The following PACRG variants were observed in gnomAD, a reference collection of about 807,000 sequenced individuals.
The protein encoded by PACRG is parkin coregulated.
PACRG carries 29 observed loss-of-function variants against 29.7 expected under a neutral mutation model. The observed-to-expected ratio is 0.98, with a 90% confidence interval of 0.73 to 1.33. The LOEUF (loss-of-function observed/expected upper bound fraction) is 1.33. Among genes scored for constraint, PACRG ranks in the 40% most tolerant of loss-of-function variants. The pLI, the probability that PACRG is intolerant of heterozygous loss-of-function variation, is 0.00. For synonymous variants in PACRG, 116 were observed against 118.7 expected (o/e 0.98, Z 0.15); for missense variants, 279 against 316.2 (o/e 0.88, Z 0.89).
At chr6:163,115,419 T>C (rs939448140) in intron 4 of PACRG, among the ~76,000 whole-genome samples, 1 of 152,114 alleles carries the variant, frequency 6.6e-6, no homozygotes, top group Non-Finnish European at 1.5e-5. Context: ...GGATGGTAAA[T>C]GTTTCTTACT....
intron 2 of PACRG, among the ~76,000 whole-genome samples, chr6:162,930,128 G>A (rs900955176): frequency 7.2e-5 from 11 of 151,840 alleles, no homozygotes; most frequent in Admixed American, 5.3e-4. Context: ...ATATATTTCT[G>A]TTAAGAATGT....
chr6:163,263,891 G>A (rs1435934082), intron 4 of PACRG, among the ~76,000 whole-genome samples: 1 of 152,158 alleles, frequency 6.6e-6, no homozygotes, highest in African/African-American at 2.4e-5. Flanking sequence ...AGAAAGCCAG[G>A]TTGTGACTTC....
chr6:163,105,093 A>G (rs891974133), intron 4 of PACRG, among the ~76,000 whole-genome samples: 3 of 152,142 alleles, frequency 2.0e-5, no homozygotes, highest in Admixed American at 6.5e-5. Context: ...CTAGAAATTT[A>G]TTGCACTAGT....
At chr6:163,086,019 C>T (rs573070) in intron 3 of PACRG, among the ~76,000 whole-genome samples, 37,676 of 152,116 alleles carry the variant, frequency 0.25, 5,065 homozygotes, top group East Asian at 0.51. Flanking sequence ...TGGCACATGG[C>T]GGTGCTCACT....
At chr6:163,181,357 C>T (rs1239204610) in intron 4 of PACRG, among the ~76,000 whole-genome samples, 1 of 152,150 alleles carries the variant, frequency 6.6e-6, no homozygotes, top group Non-Finnish European at 1.5e-5. Context: ...ATACAGACGG[C>T]CGCTTGGGGA....
intron 4 of PACRG, among the ~76,000 whole-genome samples, chr6:163,100,346 C>A (rs139996335): frequency 6.6e-6 from 1 of 152,316 alleles, no homozygotes; most frequent in Non-Finnish European, 1.5e-5. Context: ...GCCCGGCGTG[C>A]TGCCCGGACT....
chr6:163,268,746 A>G (rs577773609), intron 4 of PACRG, among the ~76,000 whole-genome samples: 1 of 152,162 alleles, frequency 6.6e-6, no homozygotes, highest in South Asian at 2.1e-4. Context: ...ATTTTTATCC[A>G]TGCCTCCTTG....
chr6:163,204,077 G>C (rs1270410456), intron 4 of PACRG, among the ~76,000 whole-genome samples: 1 of 152,216 alleles, frequency 6.6e-6, no homozygotes, highest in Admixed American at 6.5e-5. Flanking sequence ...CTAAAAATAT[G>C]AAGTGATATC....
intron 1 of PACRG, among the ~76,000 whole-genome samples, chr6:162,805,961 C>G (rs1786283156): frequency 1.3e-5 from 2 of 152,118 alleles, no homozygotes; most frequent in African/African-American, 2.4e-5. Context: ...ATATTTTGAC[C>G]TCTTCCTATG....
chr6:163,220,688 T>C (rs4709682), intron 4 of PACRG, among the ~76,000 whole-genome samples: 115,054 of 152,142 alleles, frequency 0.76, 44,359 homozygotes, highest in African/African-American at 0.91. Context: ...CCTTTAATTA[T>C]GTTTTTTTAA....
chr6:163,290,367 C>T (rs985501405), intron 4 of PACRG, among the ~76,000 whole-genome samples: 2 of 151,650 alleles, frequency 1.3e-5, no homozygotes, highest in Non-Finnish European at 2.9e-5. Context: ...GGGTTACATT[C>T]ATAACCTATT....
intron 4 of PACRG, chr6:163,187,593 A>T (rs1012119015): frequency 6.6e-6 from 1 of 152,250 alleles, no homozygotes; most frequent in Non-Finnish European, 1.5e-5. Context: ...TGGATTTCCC[A>T]GCCCCGAATC....
At chr6:162,886,338 T>C (rs2128029378) in intron 2 of PACRG, among the ~76,000 whole-genome samples, 1 of 152,342 alleles carries the variant, frequency 6.6e-6, no homozygotes, top group South Asian at 2.1e-4. Flanking sequence ...CTCCTTGGCC[T>C]TCTCATCATC....
intron 1 of PACRG, among the ~76,000 whole-genome samples, chr6:162,756,040 T>A (rs568777061): frequency 5.3e-5 from 8 of 152,296 alleles, no homozygotes; most frequent in African/African-American, 1.9e-4. Context: ...CTCTTAAATT[T>A]GTTAAGTTTG....
chr6:163,092,951 G>A (rs1814247044), intron 4 of PACRG, among the ~76,000 whole-genome samples: 1 of 152,210 alleles, frequency 6.6e-6, no homozygotes, highest in African/African-American at 2.4e-5. Context: ...CCCTCTGTGA[G>A]CCTGTGAGTG....
intron 2 of PACRG, among the ~76,000 whole-genome samples, chr6:163,035,740 C>G (rs556006125): frequency 2.2e-4 from 32 of 145,160 alleles, no homozygotes; most frequent in Non-Finnish European, 4.5e-4. Context: ...ATCACTTGAA[C>G]TCGGGAGGTG....
At chr6:163,094,826 A>G (rs997752429) in intron 4 of PACRG, among the ~76,000 whole-genome samples, 6 of 152,226 alleles carry the variant, frequency 3.9e-5, no homozygotes, top group Admixed American at 1.3e-4. Context: ...TAACATTTCC[A>G]TCTGGTTCAC....
At chr6:162,750,405 T>C (rs1781427764) in intron 1 of PACRG, among the ~76,000 whole-genome samples, 1 of 152,224 alleles carries the variant, frequency 6.6e-6, no homozygotes, top group Non-Finnish European at 1.5e-5. Flanking sequence ...TTAAAATTAT[T>C]CTAGGATCAT....
chr6:162,786,504 G>A (rs1228740709), intron 1 of PACRG, among the ~76,000 whole-genome samples: 2 of 152,154 alleles, frequency 1.3e-5, no homozygotes, highest in Non-Finnish European at 2.9e-5. Flanking sequence ...CCTTATATGG[G>A]CAACCATCTA....
Sources: gnomAD v4.1 joint callset for allele counts (sites outside exome capture counted in the v4.1 genomes callset) on GRCh38, gnomAD v4.1.1 for gene constraint, MANE v1.5 for transcripts, NCBI Gene and HGNC (gene_info 2026-07-23, HGNC 2026-07-21) for gene names.